The following CAMK4 variants were observed in gnomAD, a reference collection of about 807,000 sequenced individuals.
The protein encoded by CAMK4 is calcium/calmodulin-dependent protein kinase type IV.
CAMK4 carries 22 observed loss-of-function variants against 44.9 expected under a neutral mutation model. The ratio of observed to expected loss-of-function variants is 0.49; its 90% CI spans 0.35 to 0.70. The LOEUF (loss-of-function observed/expected upper bound fraction) is 0.70, where lower values mean the gene tolerates loss of function less well. Among genes scored for constraint, CAMK4 ranks in the 30% least tolerant of loss-of-function variants. The pLI, the probability that CAMK4 is intolerant of heterozygous loss-of-function variation, is 0.01. For synonymous variants in CAMK4, 218 were observed against 215.4 expected, an observed-to-expected ratio of 1.01 and a Z score of -0.11; for missense variants, 498 against 586.8, an observed-to-expected ratio of 0.85 and a Z score of 1.56.
intron 1 of CAMK4, among the ~76,000 whole-genome samples, chr5:111,340,109 A>G (rs1313504157): frequency 6.6e-6 from 1 of 151,234 alleles, no homozygotes; most frequent in Non-Finnish European, 1.5e-5. Context: ...ATTATTTCTA[A>G]CTGTATTTTG....
chr5:111,264,370 G>A (rs1429473382), intron 1 of CAMK4, among the ~76,000 whole-genome samples: 3 of 152,188 alleles, frequency 2.0e-5, no homozygotes, highest in South Asian at 2.1e-4. Context: ...TAAACAACTG[G>A]TGGAGGACCT....
chr5:111,297,386 A>T (rs956665219), intron 1 of CAMK4, among the ~76,000 whole-genome samples: 1 of 152,184 alleles, frequency 6.6e-6, no homozygotes, highest in African/African-American at 2.4e-5. Flanking sequence ...GTGGAAAATT[A>T]GCTCACTGCA....
intron 4 of CAMK4, among the ~76,000 whole-genome samples, chr5:111,388,683 T>C (rs1751691310): frequency 1.3e-5 from 2 of 152,164 alleles, no homozygotes; most frequent in Admixed American, 6.5e-5. Flanking sequence ...TGTCTACTTA[T>C]ACCAAGAGAA....
At chr5:111,246,534 T>G (rs1244900839) in intron 1 of CAMK4, among the ~76,000 whole-genome samples, 2 of 152,236 alleles carry the variant, frequency 1.3e-5, no homozygotes, top group East Asian at 3.8e-4. Context: ...CTGCATTTAT[T>G]TTAGCTTTGC....
At chr5:111,260,261 G>A (rs1433515831) in intron 1 of CAMK4, among the ~76,000 whole-genome samples, 1 of 152,000 alleles carries the variant, frequency 6.6e-6, no homozygotes, top group Non-Finnish European at 1.5e-5. Flanking sequence ...TTGAATATTG[G>A]CCAAATTCAA....
chr5:111,483,750 A>G (rs1323739636), intron 10 of CAMK4, among the ~76,000 whole-genome samples: 1 of 152,190 alleles, frequency 6.6e-6, no homozygotes, highest in East Asian at 1.9e-4. Context: ...ACAGATTAAA[A>G]TTTTCAAAAA....
chr5:111,383,454 C>T lies in CAMK4; in HGVS notation c.386+6512C>T, dbSNP rs114072436. ...TCTTTTGTGGATGCTGGAAAGCACA[C>T]GATTACTGAATCAGAGACAAAGGGC... On this transcript the variant is annotated intron_variant, in intron 4 of 10. Transcript: ENST00000282356. Among the ~76,000 whole-genome samples, 690 of 152,166 alleles carry T rather than the reference C, an allele frequency of 4.5e-3. 2 individuals are homozygous for T. Among genetic ancestry groups the T allele is most frequent in the Non-Finnish European group, 6.9e-3 (472 of 68,000 alleles).
At position 111,452,732 on chromosome 5, in the gene CAMK4, T is replaced by C. The variant is rs149727525; in HGVS notation, c.625+3529T>C. Among the ~76,000 whole-genome samples the C allele has an allele frequency of 5.9e-5, 9 of 152,350 alleles. No individual in the cohort carries two copies. The East Asian group carries it at 1.7e-3, about 29-fold the overall frequency. ...GGAGGCTTATTTTCTATTATTATTT[T>C]CTCTTGCAAATATCCGTTTCAGCCT... On this transcript the variant is annotated intron_variant, in intron 7 of 10. Transcript: ENST00000282356.
chr5:111,412,293 AAC>A (rs138196443), intron 5 of CAMK4, among the ~76,000 whole-genome samples: 5,574 of 152,276 alleles, frequency 0.037, 314 homozygotes, highest in African/African-American at 0.13. Flanking sequence ...CACTCTATAA[AAC>A]AGAGACAGTA....
intron 4 of CAMK4, among the ~76,000 whole-genome samples, chr5:111,384,336 A>G (rs543537236): frequency 7.9e-4 from 120 of 152,226 alleles, no homozygotes; most frequent in African/African-American, 2.9e-3. Flanking sequence ...GCTTTCGTCC[A>G]ACTTTTCAGC....
intron 1 of CAMK4, among the ~76,000 whole-genome samples, chr5:111,247,307 TTTTTATA>T (rs1749283814): frequency 6.8e-6 from 1 of 147,726 alleles, no homozygotes; most frequent in Admixed American, 6.8e-5. Flanking sequence ...ATATAAATTA[TTTTTATA>T]TTTTATATTT....
intron 4 of CAMK4, among the ~76,000 whole-genome samples, chr5:111,382,305 A>C (rs974260681): frequency 2.0e-5 from 3 of 152,194 alleles, no homozygotes; most frequent in Non-Finnish European, 2.9e-5. Flanking sequence ...CTTGGTGGAA[A>C]CAAATTGAAT....
intron 1 of CAMK4, among the ~76,000 whole-genome samples, chr5:111,249,182 C>T (rs2112536423): frequency 6.6e-6 from 1 of 152,196 alleles, no homozygotes; most frequent in Non-Finnish European, 1.5e-5. Flanking sequence ...TTTCCTATTC[C>T]TTTCCTCATT....
intron 1 of CAMK4, among the ~76,000 whole-genome samples, chr5:111,305,348 A>C (rs1251033986): frequency 1.3e-3 from 42 of 32,776 alleles, no homozygotes; most frequent in Non-Finnish European, 2.0e-3. Flanking sequence ...ATAGACCACT[A>C]GCAAGACTAA....
rs978923882 is a variant in CAMK4 at position 111,490,256 on chromosome 5, G to A, written c.*5790G>A. 2.0e-5 allele frequency: 3 copies of A among 152,126 alleles called. No homozygotes were observed. The highest frequency in any genetic ancestry group is 7.2e-5 in the African/African-American group (3 of 41,404). 9.4% of individuals were successfully genotyped at this position (152,126 alleles called of 1,614,324 possible). ...GTTTGTGAATGATAAAAAGTTACTA[G>A]GTTTGTCCTTTCCTTGATAGATGTA... On this transcript the variant is annotated 3_prime_UTR_variant, in exon 11 of 11. Transcript: ENST00000282356.
At position 111,224,439 on chromosome 5, in the gene CAMK4, A is replaced by AGCG. The variant is rs747839230; in HGVS notation, c.-24_-22dup. On this transcript the variant is annotated 5_prime_UTR_variant, in exon 1 of 11. Coordinates refer to ENST00000282356, the MANE Select transcript of CAMK4 (RefSeq NM_001744.6). This position sits in a 1 kb window ranked among gnomAD's most constrained non-coding sequence, Gnocchi z 5.7. ...CTGGCGGCCGGCTTCTCGCTCGGGC[A>AGCG]GCGGCGGCGGCGGCGGCGGCGGCTT... 1.4e-3 allele frequency: 2,101 copies of AGCG among 1,536,264 alleles called. 8 individuals carry two copies. In the East Asian group the frequency reaches 0.017, roughly 12 times the overall value.
chr5:111,484,353 G>C lies in CAMK4; in HGVS notation c.1309G>C (p.Ala437Pro). 1 of 1,612,670 alleles carries C rather than the reference G, an allele frequency of 6.2e-7. No individual in the cohort carries two copies. The change falls in exon 11 of 11, where the codon GCA becomes CCA. Residue 437 changes from alanine to proline, a missense_variant. This residue lies in a region of CAMK4 where 143 missense variants were observed against 144.9 expected (regional missense o/e 0.99). Transcript: ENST00000282356. This position sits in a 1 kb window ranked among gnomAD's most constrained non-coding sequence, Gnocchi z 5.3. ...TGACCTGGAACTAGAGGAGGGCCTA[G>C]CAGAGGAGAAGCTGAAGACTGTGGA... ...VADLELEEGL[A>P]EEKLKTVEEA... is the part of the protein sequence containing the mutation.
chr5:111,458,486 A>G (rs549259773), intron 7 of CAMK4, among the ~76,000 whole-genome samples: 4 of 152,336 alleles, frequency 2.6e-5, no homozygotes, highest in East Asian at 3.9e-4. Context: ...TTGTGCTTCT[A>G]TGCACTAGGC....
intron 4 of CAMK4, among the ~76,000 whole-genome samples, chr5:111,382,817 A>G (rs1561452857): frequency 6.6e-6 from 1 of 152,226 alleles, no homozygotes; most frequent in Non-Finnish European, 1.5e-5. Context: ...TGCAAATGCC[A>G]GAACTCTTAT....
Sources: gnomAD v4.1 joint callset for allele counts (sites outside exome capture counted in the v4.1 genomes callset) on GRCh38, gnomAD v4.1.1 for gene constraint, gnomAD v4.1.1 regional missense constraint, Gnocchi (gnomAD v3.1) non-coding constraint, MANE v1.5 for transcripts, NCBI Gene and HGNC (gene_info 2026-07-23, HGNC 2026-07-21) for gene names.